LIMCH1: variants seen among roughly 807,000 people sequenced by gnomAD.
LIMCH1 encodes LIM and calponin homology domains 1, also known as LIM and calponin homology domains-containing protein 1.
In LIMCH1, 113 loss-of-function variants were observed where a neutral mutation model predicts 176.5. That is an observed-to-expected ratio of 0.64 (90% confidence interval 0.55 to 0.75). LIMCH1 has a LOEUF of 0.75. LIMCH1 is among the 30% of genes least tolerant of loss of function. The pLI, the probability that LIMCH1 is intolerant of heterozygous loss-of-function variation, is 0.00. For synonymous variants in LIMCH1, 619 were observed against 645.9 expected (o/e 0.96, Z 0.63); for missense variants, 1,674 against 1,814.9 (o/e 0.92, Z 1.41).
At chr4:41,535,044 C>T (rs192817718), upstream of LIMCH1, among the ~76,000 whole-genome samples, 26 of 151,584 alleles carry the variant, frequency 1.7e-4, no homozygotes, top group African/African-American at 6.1e-4. Flanking sequence ...TGCCTGTAGT[C>T]CCAGCTACTT....
At chr4:41,665,926 TTGGAAC>T (rs1360945777) in intron 20 of LIMCH1, among the ~76,000 whole-genome samples, 5 of 152,214 alleles carry the variant, frequency 3.3e-5, no homozygotes, top group African/African-American at 1.2e-4. Flanking sequence ...GTCTGTAATT[TTGGAAC>T]TATTTACAAG....
At chr4:41,525,245 C>G (rs576780761) in intron 3 of LIMCH1, among the ~76,000 whole-genome samples, 2 of 152,126 alleles carry the variant, frequency 1.3e-5, no homozygotes, top group Non-Finnish European at 2.9e-5. Flanking sequence ...TGCACACGCG[C>G]GCGCACACAC....
chr4:41,684,991 T>C (rs1015304859), intron 27 of LIMCH1, among the ~76,000 whole-genome samples: 1 of 152,106 alleles, frequency 6.6e-6, no homozygotes, highest in Non-Finnish European at 1.5e-5. Context: ...AAAATTCAAA[T>C]GTATTCCTCG....
chr4:41,474,576 C>A (rs1391373534), intron 1 of LIMCH1, among the ~76,000 whole-genome samples: 1 of 152,140 alleles, frequency 6.6e-6, no homozygotes, highest in Non-Finnish European at 1.5e-5. Context: ...TGAAAATATG[C>A]TCAACACCTC....
chr4:41,558,669 A>T (rs2081634748), intron 1 of LIMCH1, among the ~76,000 whole-genome samples: 1 of 152,188 alleles, frequency 6.6e-6, no homozygotes, highest in Non-Finnish European at 1.5e-5. Context: ...TGCCCATGGT[A>T]CAGTTTCCTA....
At chr4:41,623,917 A>C (rs985137100) in intron 7 of LIMCH1, among the ~76,000 whole-genome samples, 3 of 152,176 alleles carry the variant, frequency 2.0e-5, no homozygotes, top group Non-Finnish European at 2.9e-5. Context: ...AAATGTGTGG[A>C]GTTTAATATT....
rs565850685 is a variant in LIMCH1, at chr4:41,565,424, ATAAAT to A, written c.-241+27080_-241+27084del. Among the ~76,000 whole-genome samples, 290 of 148,984 alleles carry A rather than the reference ATAAAT, an allele frequency of 1.9e-3. 3 individuals are homozygous for A. Among genetic ancestry groups the A allele is most frequent in the Middle Eastern group, 0.014 (4 of 284 alleles). On this transcript the variant is annotated intron_variant, in intron 1 of 31. Coordinates refer to ENST00000503057, the MANE Select transcript of LIMCH1 (RefSeq NM_001330672.2). ...ACACACACACACACACATATATATG[ATAAAT>A]TAAATAAATATATGATAAATATATA...
upstream of LIMCH1, among the ~76,000 whole-genome samples, chr4:41,534,781 G>T (rs898096680): frequency 5.9e-5 from 9 of 151,972 alleles, no homozygotes; most frequent in African/African-American, 1.9e-4. Context: ...GATCCACATT[G>T]GCAGGGACTG....
intron 1 of LIMCH1, among the ~76,000 whole-genome samples, chr4:41,566,535 G>A (rs1419478768): frequency 2.6e-5 from 4 of 152,136 alleles, no homozygotes; most frequent in South Asian, 2.1e-4. Context: ...GGGTGAAAGA[G>A]AGCCTCAGCA....
rs1252515041 is a variant in LIMCH1, at chr4:41,402,685, A to G, written c.96+41749A>G. ...GTTCATGTCCTTTGTAGGGACATGG[A>G]TGAAATTGGAAATCATCATTCTCAG... is the stretch of plus-strand genomic sequence containing the variant. On this transcript the variant is annotated intron_variant, in intron 1 of 26. Transcript: ENST00000313860. Among the ~76,000 whole-genome samples, 60 of 147,780 alleles carry G rather than the reference A, an allele frequency of 4.1e-4. No individual in the cohort carries two copies. In the East Asian group the frequency reaches 7.8e-3, roughly 19 times the overall value.
chr4:41,673,404 T>C (rs544867608), intron 22 of LIMCH1, among the ~76,000 whole-genome samples: 1 of 152,208 alleles, frequency 6.6e-6, no homozygotes, highest in Non-Finnish European at 1.5e-5. Context: ...TTCGCATTTC[T>C]TGTTTAAGGA....
intron 1 of LIMCH1, among the ~76,000 whole-genome samples, chr4:41,467,618 A>G (rs1582690939): frequency 1.3e-5 from 2 of 152,286 alleles, no homozygotes; most frequent in Non-Finnish European, 1.5e-5. Flanking sequence ...GGTCCCTCCC[A>G]TGGGGATTAT....
At chr4:41,444,819 A>C (rs2154143534) in intron 1 of LIMCH1, among the ~76,000 whole-genome samples, 1 of 152,260 alleles carries the variant, frequency 6.6e-6, no homozygotes, top group Admixed American at 6.5e-5. Flanking sequence ...TCCCCATAAA[A>C]GAAATCTGCT....
At chr4:41,376,958 G>C (rs2054859591) in intron 1 of LIMCH1, among the ~76,000 whole-genome samples, 1 of 152,116 alleles carries the variant, frequency 6.6e-6, no homozygotes, top group Admixed American at 6.6e-5. Context: ...GATGGTATCT[G>C]AGTTATATCT....
At chr4:41,384,900 G>A (rs1291473509) in intron 1 of LIMCH1, among the ~76,000 whole-genome samples, 1 of 152,064 alleles carries the variant, frequency 6.6e-6, no homozygotes, top group Non-Finnish European at 1.5e-5. Flanking sequence ...GAAAAAAAGA[G>A]GAAATCTAGG....
At chr4:41,485,790 A>G (rs529676323) in intron 1 of LIMCH1, among the ~76,000 whole-genome samples, 6 of 152,106 alleles carry the variant, frequency 3.9e-5, no homozygotes, top group Non-Finnish European at 7.4e-5. Context: ...ATTTTACAGG[A>G]TTACCCTGGC....
rs1267226395 is a variant in LIMCH1 at position 41,521,491 on chromosome 4, C to A, written c.168-2918C>A. Among the ~76,000 whole-genome samples, 3 of 152,174 alleles carry A rather than the reference C, an allele frequency of 2.0e-5. No individual in the cohort carries two copies. The East Asian group carries it at 5.8e-4, about 29-fold the overall frequency. ...TTATATCTTAACTTATATAGGATGGCATAGTGGTTTTTAATAAAATTGCAA... is the reference window on the plus strand; with the variant it reads ...TTATATCTTAACTTATATAGGATGGAATAGTGGTTTTTAATAAAATTGCAA... On this transcript the variant is annotated intron_variant, in intron 2 of 26. Coordinates refer to the LIMCH1 transcript ENST00000313860.
chr4:41,506,634 T>G (rs2074198665), intron 2 of LIMCH1, among the ~76,000 whole-genome samples: 1 of 152,222 alleles, frequency 6.6e-6, no homozygotes, highest in Admixed American at 6.5e-5. Flanking sequence ...AGAGGTTAAA[T>G]GAGGATACTG....
chr4:41,419,561 CCCTTCCTTCCTTCCTTCCTT>C lies in LIMCH1; in HGVS notation c.96+58648_96+58667del, dbSNP rs536061729. 7.5e-3 allele frequency among the ~76,000 whole-genome samples: 868 copies of C among 115,706 alleles called. 19 individuals carry two copies. Among genetic ancestry groups the C allele is most frequent in the East Asian group, 0.038 (137 of 3,608 alleles). 75.9% of individuals were successfully genotyped at this position (115,706 alleles called of 152,430 possible). A position where few individuals can be genotyped will look rare whatever the true frequency, so the allele number is the denominator to read the frequency against. ...GCCTACATTTTCTTCCTTTCCTTTC[CCCTTCCTTCCTTCCTTCCTT>C]CCTTCCTTCCTTCCTTCCTTCCGTC... is the stretch of plus-strand genomic sequence containing the variant. On this transcript the variant is annotated intron_variant, in intron 1 of 26. Coordinates refer to the LIMCH1 transcript ENST00000313860.
Sources: allele counts gnomAD v4.1 joint callset (sites outside exome capture counted in the v4.1 genomes callset), GRCh38; gene constraint gnomAD v4.1.1; transcripts MANE v1.5; gene names NCBI Gene and HGNC (gene_info 2026-07-23, HGNC 2026-07-21).